FLNC: variants seen among roughly 807,000 people sequenced by gnomAD.
FLNC encodes filamin C, also known as filamin-C.
In FLNC, 91 loss-of-function variants were observed where a neutral mutation model predicts 254.3. The ratio of observed to expected loss-of-function variants is 0.36; its 90% CI spans 0.30 to 0.43. FLNC has a LOEUF of 0.43. FLNC is among the 20% of genes least tolerant of loss of function. FLNC has a pLI of 1.00. For missense variants in FLNC, 2,853 were observed against 3,802.6 expected (o/e 0.75, Z 6.57); for synonymous variants, 1,430 against 1,577.2 (o/e 0.91, Z 2.21).
At position 128,847,926 on chromosome 7, in the gene FLNC, C is replaced by T. The variant is rs369731117; in HGVS notation, c.4457-19C>T. ...GCGGGACGCCCGGAGGCTCTGCTGA[C>T]CCTGTGCCCCTTGCCCAGGTGTGGC... On this transcript the variant is annotated intron_variant, in intron 25 of 47. Transcript: ENST00000325888. 1.2e-6 allele frequency: 2 copies of T among 1,613,762 alleles called. No individual in the cohort carries two copies. Among genetic ancestry groups the T allele is most frequent in the Admixed American group, 3.3e-5 (2 of 60,010 alleles).
At chr7:128,839,916 C>CCAGGG in intron 8 of FLNC, 107 bp from the exon 9 acceptor site, 1 of 1,423,368 alleles carries the variant, frequency 7.0e-7, no homozygotes, top group Non-Finnish European at 9.7e-7. Context: ...GGGCCGTGGG[C>CCAGGG]CACTGCCTGT....
At chr7:128,855,457 G>A (rs1467080048) in intron 43 of FLNC, 143 bp downstream of exon 43, 6 of 690,094 alleles carry the variant, frequency 8.7e-6, no homozygotes, top group African/African-American at 1.8e-5. Flanking sequence ...GCACGAGGCA[G>A]GGCCCTTGGG....
chr7:128,843,410 G>A lies in FLNC; in HGVS notation c.2644G>A (p.Val882Met), dbSNP rs1239765370. 2.5e-6 allele frequency: 4 copies of A among 1,613,948 alleles called. No homozygotes were observed. The highest frequency in any genetic ancestry group is 2.2e-5 in the East Asian group (1 of 44,894). The change falls in exon 18 of 48, where the codon GTG becomes ATG. Residue 882 changes from valine to methionine, a missense_variant and splice_region_variant. By Grantham distance (21) the Val-to-Met change is conservative (BLOSUM62 1). This residue lies in a region of FLNC where 1,573 missense variants were observed against 1,883.5 expected (regional missense o/e 0.84). Coordinates refer to ENST00000325888, the MANE Select transcript of FLNC (RefSeq NM_001458.5). ...CACATCTCTGGGTGGGTCCTCAGGT[G>A]TGGAAGTCGGGAAGCCCACCCACTT... ...AEGPGLNRTG[V>M]EVGKPTHFTV...
rs778253796 is a variant in FLNC at position 128,858,343 on chromosome 7, C to T, written c.7998C>T (p.Asn2666=). 16 of 1,541,096 alleles carry T rather than the reference C, an allele frequency of 1.0e-5. No homozygotes were observed. Among genetic ancestry groups the T allele is most frequent in the Non-Finnish European group, 1.3e-5 (15 of 1,118,324 alleles). Residue 2666 remains asparagine, a synonymous_variant, in exon 48 of 48, where the codon AAC becomes AAT. Transcript: ENST00000325888. The surrounding 1 kb of genome is among the most constrained non-coding windows in gnomAD (Gnocchi z 6.7). ...FTVDCSKAGT[N]MMMVGVHGPK... ...CTCTGCCTCCCTCTCCAGGCACCAA[C>T]ATGATGATGGTGGGCGTGCACGGCC...
rs1808196603 is a variant in FLNC at position 128,838,497 on chromosome 7, G to A, written c.1210+68G>A. ...ATGTGGGGCTGTGTGGGGGTGGGGG[G>A]AGGCTGGGACAGGGATGCCAGCCAG... On this transcript the variant is annotated intron_variant, in intron 7 of 47. Transcript: ENST00000325888. The A allele has an allele frequency of 3.9e-6, 6 of 1,541,586 alleles. No individual in the cohort carries two copies. In the Admixed American group the frequency reaches 5.0e-5, roughly 13 times the overall value.
Position 128,844,164 on chromosome 7 carries a change from C to A in FLNC, c.3090C>A (p.Pro1030=), listed in dbSNP as rs760926290. 6.2e-7 allele frequency: 1 copy of A among 1,613,902 alleles called. No individual in the cohort carries two copies. The highest frequency in any genetic ancestry group is 8.5e-7 in the Non-Finnish European group (1 of 1,180,018). The part of the protein sequence containing the change: ...GAEAQAVRYM[P]PEEGPYKVDI... Reference sequence around the variant, plus strand: ...AAGCCCAGGCTGTGCGCTACATGCCCCCGGAGGAGGGGCCCTACAAGGTGG... The same window carrying A: ...AAGCCCAGGCTGTGCGCTACATGCCACCGGAGGAGGGGCCCTACAAGGTGG... The change falls in exon 20 of 48, where the codon CCC becomes CCA. Residue 1030 remains proline, a synonymous_variant. Transcript: ENST00000325888.
rs893364981 is a variant in FLNC, at chr7:128,837,381, A to G, written c.700-17A>G. The G allele has an allele frequency of 6.2e-7, 1 of 1,613,888 alleles. No homozygotes were observed. On this transcript the variant is annotated splice_polypyrimidine_tract_variant and intron_variant, in intron 3 of 47. Transcript: ENST00000325888. ...GGAAAAGAGGGCGCCATGTGACATCACTCCTTTCCATCGCAGGTCATTGCC... is the reference window on the plus strand; with the variant it reads ...GGAAAAGAGGGCGCCATGTGACATCGCTCCTTTCCATCGCAGGTCATTGCC...
rs2128939330 is a variant in FLNC at position 128,854,143 on chromosome 7, C to T, written c.6654C>T (p.Phe2218=). The T allele has an allele frequency of 6.2e-7, 1 of 1,612,530 alleles. No individual in the cohort carries two copies. The highest frequency in any genetic ancestry group is 8.5e-7 in the Non-Finnish European group (1 of 1,179,804). Residue 2218 remains phenylalanine (F), a synonymous_variant, in exon 40 of 48, where the codon TTC becomes TTT. Transcript: ENST00000325888. ...EESTQVGGDP[F]PAVFGDFLGR... ...CCACCCAGGTCGGCGGGGACCCCTT[C>T]CCTGCTGTGTTTGGGGACTTCCTGG... is the stretch of plus-strand genomic sequence containing the variant.
chr7:128,855,015 TC>T, intron 42 of FLNC, 103 bp downstream of exon 42: 1 of 1,314,968 alleles, frequency 7.6e-7, no homozygotes, highest in Non-Finnish European at 1.1e-6. Flanking sequence ...AGAACTCCCC[TC>T]CCCGGAGCCC....
At position 128,855,240 on chromosome 7, in the gene FLNC, C is replaced by G. The variant is rs1554401559; in HGVS notation, c.7177C>G (p.Pro2393Ala). ...CATCAAGTTCAATGATGAGCACATC[C>G]CAGACAGCCCCTTTGTGGTGCCTGT... ...VSIKFNDEHI[P>A]DSPFVVPVAS... is the part of the protein sequence containing the mutation. The change falls in exon 43 of 48, where the codon CCA (proline) becomes GCA (alanine). Residue 2393 changes from proline (P) to alanine (A), a missense_variant. Physicochemically the swap from Pro to Ala is conservative, Grantham distance 27. This residue lies in a region of FLNC where 551 missense variants were observed against 835.0 expected (regional missense o/e 0.66). Coordinates refer to ENST00000325888, the MANE Select transcript of FLNC (RefSeq NM_001458.5). 1 of 1,613,796 alleles carries G rather than the reference C, an allele frequency of 6.2e-7. No individual in the cohort carries two copies. The highest frequency in any genetic ancestry group is 8.5e-7 in the Non-Finnish European group (1 of 1,179,768).
At chr7:128,846,558 C>G (rs1356720693) in intron 23 of FLNC, 95 bp downstream of exon 23, 1 of 1,509,346 alleles carries the variant, frequency 6.6e-7, no homozygotes, top group African/African-American at 1.4e-5. Flanking sequence ...CAGCCCCACC[C>G]CATCCTCTCT....
In FLNC at chr7:128,846,339, G is replaced by A. The variant is rs368220468; in HGVS notation, c.4003G>A (p.Val1335Met). The change falls in exon 23 of 48, where the codon GTG (valine) becomes ATG (methionine). Residue 1335 changes from valine (V) to methionine (M), a missense_variant. Physicochemically the swap from Val to Met is conservative, Grantham distance 21 (BLOSUM62 1). Coordinates refer to ENST00000325888, the MANE Select transcript of FLNC (RefSeq NM_001458.5). ...LVEVLYDEVA[V>M]PKSPFRVGVT... The stretch of plus-strand genomic sequence containing the variant: ...GGAGGTCCTGTATGATGAGGTCGCT[G>A]TGCCCAAGAGCCCCTTCCGAGTGGG... The A allele has an allele frequency of 4.9e-5, 79 of 1,613,610 alleles. No homozygotes were observed. The highest frequency in any genetic ancestry group is 6.6e-5 in the Non-Finnish European group (78 of 1,180,010).
chr7:128,847,863 AGGTATAGAATGGCCGG>A lies in FLNC; in HGVS notation c.4456+2_4456+17del. 1 of 1,612,582 alleles carries A rather than the reference AGGTATAGAATGGCCGG, an allele frequency of 6.2e-7. No individual in the cohort carries two copies. The highest frequency in any genetic ancestry group is 8.5e-7 in the Non-Finnish European group (1 of 1,179,172). On this transcript the variant is annotated splice_donor_variant and splice_donor_5th_base_variant and coding_sequence_variant and intron_variant, in exon 25 of 48. Transcript: ENST00000325888. LOFTEE classifies it high-confidence loss of function. ...TGCAGGTGGCTGTGCTGGGCCCCAC[AGGTATAGAATGGCCGG>A]GGCAGGGAGGAGGGAGGTGGGGCGG...
At position 128,845,188 on chromosome 7, in the gene FLNC, T is replaced by C. The variant is rs1423394947; in HGVS notation, c.3723T>C (p.Arg1241=). 1 of 1,613,932 alleles carries C rather than the reference T, an allele frequency of 6.2e-7. No homozygotes were observed. The highest frequency in any genetic ancestry group is 8.5e-7 in the Non-Finnish European group (1 of 1,180,030). Residue 1241 remains arginine, a synonymous_variant, in exon 21 of 48, where the codon CGT becomes CGC. Coordinates refer to ENST00000325888, the MANE Select transcript of FLNC (RefSeq NM_001458.5). ...GGHPVPKFPT[R]VHVQPAVDTS... Reference sequence around the variant, plus strand: ...ATCCCGTGCCCAAATTCCCCACCCGTGTCCATGTGCAGCCTGCGGTCGATA... The same window carrying C: ...ATCCCGTGCCCAAATTCCCCACCCGCGTCCATGTGCAGCCTGCGGTCGATA...
chr7:128,835,465 G>A lies in FLNC; in HGVS notation c.492G>A (p.Arg164=), dbSNP rs751988597. 7 of 1,613,950 alleles carry A rather than the reference G, an allele frequency of 4.3e-6. No individual in the cohort carries two copies. The South Asian group carries it at 5.5e-5, about 13-fold the overall frequency. Residue 164 remains arginine, a synonymous_variant, in exon 2 of 48, where the codon CGG becomes CGA. Coordinates refer to ENST00000325888, the MANE Select transcript of FLNC (RefSeq NM_001458.5). This position sits in a 1 kb window ranked among gnomAD's most constrained non-coding sequence, Gnocchi z 5.3. ...EDARKQTPKQ[R]LLGWIQNKVP... is the part of the protein sequence containing the mutation. ...CCCGCAAACAGACGCCCAAGCAGCGGCTGCTTGGCTGGATCCAGAACAAGG... is the reference window on the plus strand; with the variant it reads ...CCCGCAAACAGACGCCCAAGCAGCGACTGCTTGGCTGGATCCAGAACAAGG...
chr7:128,841,512 A>C lies in FLNC; in HGVS notation c.2066A>C (p.Glu689Ala). Residue 689 changes from glutamate (E) to alanine (A), a missense_variant, in exon 13 of 48, where the codon GAG becomes GCG. Glu to Ala is a moderately radical substitution (Grantham distance 107). Around this residue, in one of 10 missense-constraint regions of FLNC, gnomAD observed 1,573 missense variants for 1,883.5 expected, o/e 0.84. Coordinates refer to ENST00000325888, the MANE Select transcript of FLNC (RefSeq NM_001458.5). This position sits in a 1 kb window ranked among gnomAD's most constrained non-coding sequence, Gnocchi z 4.3. ...PTGCIVDKPA[E>A]FTIDARAAGK... is the part of the protein sequence containing the mutation. Reference sequence around the variant, plus strand: ...GGCTGCATCGTGGACAAGCCCGCTGAGTTCACCATTGATGCTCGTGCAGCT... The same window carrying C: ...GGCTGCATCGTGGACAAGCCCGCTGCGTTCACCATTGATGCTCGTGCAGCT... 1 of 1,614,182 alleles carries C rather than the reference A, an allele frequency of 6.2e-7. No individual in the cohort carries two copies. Among genetic ancestry groups the C allele is most frequent in the Non-Finnish European group, 8.5e-7 (1 of 1,180,012 alleles).
intron 26 of FLNC, 61 bp from the exon 27 acceptor site, chr7:128,848,500 T>A: frequency 6.4e-7 from 1 of 1,570,472 alleles, no homozygotes; most frequent in South Asian, 1.1e-5. Flanking sequence ...CAAGATGAGA[T>A]CACCCCCCAC....
chr7:128,841,223 G>A lies in FLNC; in HGVS notation c.1867G>A (p.Asp623Asn), dbSNP rs912680912. ...QAKIECDDKG[D>N]GSCDVRYWPT... is the part of the protein sequence containing the mutation. ...CAAGATCGAATGTGACGACAAGGGG[G>A]ATGGCTCCTGCGATGTGCGGTACTG... The change falls in exon 12 of 48, where the codon GAT (aspartate) becomes AAT (asparagine). Residue 623 changes from aspartate (D) to asparagine (N), a missense_variant. Asp to Asn is a conservative substitution (Grantham distance 23). This residue lies in a region of FLNC where 1,573 missense variants were observed against 1,883.5 expected (regional missense o/e 0.84). Transcript: ENST00000325888. The surrounding 1 kb of genome is among the most constrained non-coding windows in gnomAD (Gnocchi z 4.3). 6.2e-7 allele frequency: 1 copy of A among 1,614,012 alleles called. No individual in the cohort carries two copies. Among genetic ancestry groups the A allele is most frequent in the African/African-American group, 1.3e-5 (1 of 74,916 alleles).
In FLNC at chr7:128,846,011, C is replaced by G. The variant is rs778997084; in HGVS notation, c.3812C>G (p.Thr1271Ser). ...CCAGGTGTCCTGCGGGAGGTGACCACTGAGTTCACTGTGGATGCAAGATCC... is the reference window on the plus strand; with the variant it reads ...CCAGGTGTCCTGCGGGAGGTGACCAGTGAGTTCACTGTGGATGCAAGATCC... ...EPHGVLREVT[T>S]EFTVDARSLT... The change falls in exon 22 of 48, where the codon ACT becomes AGT. Residue 1271 changes from threonine (T) to serine (S), a missense_variant. This residue lies in a region of FLNC where 1,573 missense variants were observed against 1,883.5 expected (regional missense o/e 0.84). Transcript: ENST00000325888. The G allele has an allele frequency of 3.3e-5, 54 of 1,613,754 alleles. No individual in the cohort carries two copies. The Admixed American group carries it at 8.8e-4, about 26-fold the overall frequency.
Sources: allele counts gnomAD v4.1 joint callset, GRCh38; gene constraint gnomAD v4.1.1; regional missense constraint gnomAD v4.1.1; non-coding constraint Gnocchi (gnomAD v3.1); transcripts MANE v1.5; gene names NCBI Gene and HGNC (gene_info 2026-07-23, HGNC 2026-07-21).